Variants in SPOPL observed in about 807,000 individuals in gnomAD.
SPOPL encodes the protein speckle type BTB/POZ protein like, also known as speckle-type POZ protein-like.
A neutral mutation model predicts 53.8 loss-of-function variants in SPOPL; 23 were observed. The ratio of observed to expected loss-of-function variants is 0.43; its 90% CI spans 0.31 to 0.61. The LOEUF is 0.61. Among genes scored for constraint, SPOPL ranks in the 20% least tolerant of loss-of-function variants. The pLI is 0.12. For missense variants in SPOPL, 442 were observed against 466.9 expected, an observed-to-expected ratio of 0.95 and a Z score of 0.49; for synonymous variants, 164 against 149.7, an observed-to-expected ratio of 1.10 and a Z score of -0.70.
intron 5 of SPOPL, 74 bp from the exon 6 acceptor site, chr2:138,558,948 T>A: frequency 7.9e-7 from 1 of 1,272,848 alleles, no homozygotes; most frequent in South Asian, 2.0e-5. Context: ...ACATAAAAAA[T>A]TGAAGTATGG....
chr2:138,533,718 T>C (rs183542944), intron 1 of SPOPL, among the ~76,000 whole-genome samples: 8 of 152,246 alleles, frequency 5.3e-5, no homozygotes. Flanking sequence ...TCATCATATA[T>C]ATAAAGTTGT....
intron 10 of SPOPL, 46 bp from the exon 11 acceptor site, chr2:138,568,890 T>G (rs1685720860): frequency 1.2e-6 from 2 of 1,603,752 alleles, no homozygotes; most frequent in Non-Finnish European, 1.7e-6. Flanking sequence ...AATAGTGCAT[T>G]TTGAAAAGTA....
rs776123809 is a variant in SPOPL, at chr2:138,507,882, A to G, written c.-61+5763A>G. On this transcript the variant is annotated intron_variant, in intron 1 of 10. Transcript: ENST00000280098. Reference sequence around the variant, plus strand: ...TGCTAGTTAGCTTTACATTATATGTATTAAATCTATACTTACAGGTTCATT... The same window carrying G: ...TGCTAGTTAGCTTTACATTATATGTGTTAAATCTATACTTACAGGTTCATT... Among the ~76,000 whole-genome samples, 143 of 152,342 alleles carry G rather than the reference A, an allele frequency of 9.4e-4. 2 individuals carry two copies. The highest frequency in any genetic ancestry group is 3.5e-4 in the Non-Finnish European group (24 of 68,028).
chr2:138,545,509 C>T (rs1304360531), intron 1 of SPOPL, among the ~76,000 whole-genome samples: 2 of 151,946 alleles, frequency 1.3e-5, no homozygotes, highest in African/African-American at 4.8e-5. Context: ...TCTCAGCTCA[C>T]TGCAAACTCT....
intron 1 of SPOPL, among the ~76,000 whole-genome samples, chr2:138,529,521 T>A (rs1031789083): frequency 6.8e-6 from 1 of 148,128 alleles, no homozygotes; most frequent in Non-Finnish European, 1.5e-5. Context: ...TGTGTGTGTG[T>A]GTGTGTGTGT....
chr2:138,560,598 G>C (rs1685523989), intron 7 of SPOPL, among the ~76,000 whole-genome samples: 1 of 151,786 alleles, frequency 6.6e-6, no homozygotes, highest in Non-Finnish European at 1.5e-5. Flanking sequence ...TCTTGGACTT[G>C]TCCACTTCAC....
chr2:138,554,456 G>A, intron 5 of SPOPL: 1 of 1,270,008 alleles, frequency 7.9e-7, no homozygotes, highest in Non-Finnish European at 1.0e-6. Flanking sequence ...AGCACTGCTT[G>A]CAGAAGAGGA....
intron 1 of SPOPL, among the ~76,000 whole-genome samples, chr2:138,537,217 C>T (rs6726880): frequency 0.16 from 23,999 of 152,062 alleles, 2,242 homozygotes; most frequent in African/African-American, 0.26. Flanking sequence ...GGACTTTATT[C>T]GGCTGGGAGC....
rs568491944 is a variant in SPOPL at position 138,513,021 on chromosome 2, A to G, written c.-61+10902A>G. ...ATTAAATAGATGGCAGAGAAGAGGA[A>G]ATTCTTGGGGAATCAAAGGGAGGTG... On this transcript the variant is annotated intron_variant, in intron 1 of 10. Transcript: ENST00000280098. 4.4e-3 allele frequency among the ~76,000 whole-genome samples: 665 copies of G among 152,370 alleles called. 3 individuals are homozygous for G. Among genetic ancestry groups the G allele is most frequent in the African/African-American group, 0.015 (630 of 41,590 alleles).
At chr2:138,548,558 A>T (rs1685247121) in intron 1 of SPOPL, among the ~76,000 whole-genome samples, 2 of 151,842 alleles carry the variant, frequency 1.3e-5, no homozygotes. Flanking sequence ...GATTTTTCCT[A>T]GTTTGATAGG....
intron 8 of SPOPL, among the ~76,000 whole-genome samples, chr2:138,564,235 G>C (rs1685611326): frequency 6.6e-6 from 1 of 152,146 alleles, no homozygotes; most frequent in Non-Finnish European, 1.5e-5. Context: ...ACTTTATTGT[G>C]TGTCAGTTAT....
At chr2:138,509,209 A>C (rs1286000175) in intron 1 of SPOPL, among the ~76,000 whole-genome samples, 2 of 152,170 alleles carry the variant, frequency 1.3e-5, no homozygotes, top group African/African-American at 4.8e-5. Flanking sequence ...TGCAATACGA[A>C]TATATTTAGA....
rs765026754 is a variant in SPOPL at position 138,564,756 on chromosome 2, A to G, written c.886A>G (p.Asn296Asp). 3 of 1,614,188 alleles carry G rather than the reference A, an allele frequency of 1.9e-6. No homozygotes were observed. The Admixed American group carries it at 5.0e-5, about 27-fold the overall frequency. ...KVMCEEALCS[N>D]LSVENVADTL... is the part of the protein sequence containing the mutation. ...CATGTGCGAAGAAGCTTTGTGTAGT[A>G]ACCTCTCAGTAGAGAATGTTGCAGA... Residue 296 changes from asparagine to aspartate, a missense_variant, in exon 9 of 11, where the codon AAC becomes GAC. By Grantham distance (23) the Asn-to-Asp change is conservative. Transcript: ENST00000280098.
chr2:138,506,394 G>A (rs1684216548), intron 1 of SPOPL, among the ~76,000 whole-genome samples: 1 of 152,192 alleles, frequency 6.6e-6, no homozygotes, highest in Non-Finnish European at 1.5e-5. Flanking sequence ...ACCAGTGTCA[G>A]TGCACAGGTC....
intron 1 of SPOPL, among the ~76,000 whole-genome samples, chr2:138,542,064 T>A (rs1052029822): frequency 2.6e-5 from 4 of 152,228 alleles, no homozygotes; most frequent in African/African-American, 9.7e-5. Flanking sequence ...AGTTTCTTAA[T>A]CCTGAGTTCT....
In SPOPL at chr2:138,573,474, G is replaced by A. The variant is rs145842264; in HGVS notation, c.*4394G>A. The A allele has an allele frequency of 1.4e-4, 21 of 152,150 alleles. No homozygotes were observed. Among genetic ancestry groups the A allele is most frequent in the African/African-American group, 4.3e-4 (18 of 41,532 alleles). 9.4% of individuals were successfully genotyped at this position (152,150 alleles called of 1,614,324 possible). On this transcript the variant is annotated 3_prime_UTR_variant, in exon 11 of 11. Coordinates refer to ENST00000280098, the MANE Select transcript of SPOPL (RefSeq NM_001001664.3). ...ACTGGATGACTTATTCTAATGCTAC[G>A]TACCATTAATGTAACAGAGATCACC... is the stretch of plus-strand genomic sequence containing the variant.
At chr2:138,502,395 C>T (rs1684122452) in intron 1 of SPOPL, among the ~76,000 whole-genome samples, 1 of 152,236 alleles carries the variant, frequency 6.6e-6, no homozygotes, top group African/African-American at 2.4e-5. Context: ...CCAGGATCCC[C>T]TTTAGTTTTA....
chr2:138,519,497 A>G (rs1298220916), intron 1 of SPOPL, among the ~76,000 whole-genome samples: 2 of 152,140 alleles, frequency 1.3e-5, no homozygotes, highest in Admixed American at 6.5e-5. Flanking sequence ...TATATGTAGA[A>G]TAGAAGTAAA....
At chr2:138,529,973 A>C (rs1684771245) in intron 1 of SPOPL, among the ~76,000 whole-genome samples, 1 of 151,896 alleles carries the variant, frequency 6.6e-6, no homozygotes, top group African/African-American at 2.4e-5. Context: ...CCCTCCTCCC[A>C]CGCTTTACCC....
Sources: allele counts gnomAD v4.1 joint callset (sites outside exome capture counted in the v4.1 genomes callset), GRCh38; gene constraint gnomAD v4.1.1; transcripts MANE v1.5; gene names NCBI Gene and HGNC (gene_info 2026-07-23, HGNC 2026-07-21).